The following OPCML variants were observed in gnomAD, a reference collection of about 807,000 sequenced individuals.
OPCML encodes the protein opioid-binding protein/cell adhesion molecule.
Under a neutral mutation model 37.8 loss-of-function variants are expected in OPCML, and 13 were observed. That is an observed-to-expected ratio of 0.34 (90% CI 0.22 to 0.55). OPCML has a LOEUF of 0.55. OPCML is among the 20% of genes least tolerant of loss of function. The pLI is 0.91. For synonymous variants in OPCML, 176 were observed against 168.8 expected (o/e 1.04, Z -0.33); for missense variants, 341 against 435.6 (o/e 0.78, Z 1.93).
At chr11:132,798,044 T>C (rs7936755) in intron 2 of OPCML, among the ~76,000 whole-genome samples, 83,846 of 152,050 alleles carry the variant, frequency 0.55, 23,684 homozygotes, top group African/African-American at 0.65. Flanking sequence ...CAAACCCTGC[T>C]GCTGATTTAT....
chr11:132,710,359 G>A (rs560028189), intron 2 of OPCML, among the ~76,000 whole-genome samples: 2 of 152,126 alleles, frequency 1.3e-5, no homozygotes, highest in Non-Finnish European at 2.9e-5. Flanking sequence ...AAAAGTTGGA[G>A]TCATCCCATC....
At chr11:133,502,267 C>T (rs1447609003) in intron 1 of OPCML, among the ~76,000 whole-genome samples, 1 of 152,204 alleles carries the variant, frequency 6.6e-6, no homozygotes, top group Admixed American at 6.5e-5. Flanking sequence ...TGACGCCATA[C>T]AGCAGCGGCT....
chr11:133,352,459 C>G (rs1398595448), intron 1 of OPCML, among the ~76,000 whole-genome samples: 1 of 152,214 alleles, frequency 6.6e-6, no homozygotes, highest in Non-Finnish European at 1.5e-5. Context: ...TGCTGAAGTA[C>G]CTCAAACGCA....
chr11:133,476,006 G>A (rs1947230127), intron 1 of OPCML, among the ~76,000 whole-genome samples: 1 of 152,152 alleles, frequency 6.6e-6, no homozygotes, highest in Admixed American at 6.5e-5. Context: ...GAGGATGAAG[G>A]ACAAAATGGC....
rs557981520 is a variant in OPCML at position 133,167,379 on chromosome 11, C to T, written c.62-224369G>A. Among the ~76,000 whole-genome samples, 7 of 152,286 alleles carry T rather than the reference C, an allele frequency of 4.6e-5. No homozygotes were observed. In the South Asian group the frequency reaches 1.5e-3, roughly 32 times the overall value. ...CCAAGTTAGATATTATTGGTCAACA[C>T]AATCCTATTTTCTTGCCGAACTCCA... On this transcript the variant is annotated intron_variant, in intron 1 of 7. Coordinates refer to ENST00000524381, the MANE Select transcript of OPCML (RefSeq NM_001012393.5).
intron 2 of OPCML, among the ~76,000 whole-genome samples, chr11:132,794,537 G>A (rs1027194312): frequency 7.2e-5 from 11 of 152,022 alleles, no homozygotes; most frequent in African/African-American, 1.7e-4. Flanking sequence ...GGGACCAGGC[G>A]AGCTTTCCTG....
intron 1 of OPCML, among the ~76,000 whole-genome samples, chr11:133,372,271 CA>C (rs1944692728): frequency 2.6e-5 from 4 of 152,242 alleles, no homozygotes; most frequent in Admixed American, 6.5e-5. Flanking sequence ...ATGCACATAA[CA>C]AAAACTCACA....
At chr11:133,213,497 T>G (rs73027328) in intron 1 of OPCML, among the ~76,000 whole-genome samples, 4,690 of 152,268 alleles carry the variant, frequency 0.031, 155 homozygotes, top group South Asian at 0.11. Flanking sequence ...ACTAATGCTC[T>G]TTAGAAATTA....
intron 1 of OPCML, among the ~76,000 whole-genome samples, chr11:133,097,668 C>A (rs1215209138): frequency 6.6e-6 from 1 of 152,016 alleles, no homozygotes; most frequent in East Asian, 1.9e-4. Context: ...TTACTAGTAT[C>A]AGAAATGAAA....
At chr11:132,758,783 AC>A (rs1946154850) in intron 2 of OPCML, among the ~76,000 whole-genome samples, 1 of 152,080 alleles carries the variant, frequency 6.6e-6, no homozygotes, top group Non-Finnish European at 1.5e-5. Context: ...CTATTTGAAT[AC>A]CCTTTATTTC....
chr11:132,915,326 C>T lies in OPCML; in HGVS notation c.146+27600G>A, dbSNP rs2136558219. On this transcript the variant is annotated intron_variant, in intron 2 of 7. Transcript: ENST00000524381. ...ACCTCCCGGTGAGGCATGCACATTTCTGGCATCCACATGTGCTATGATACC... is the reference window on the plus strand; with the variant it reads ...ACCTCCCGGTGAGGCATGCACATTTTTGGCATCCACATGTGCTATGATACC... Among the ~76,000 whole-genome samples, 2 of 152,334 alleles carry T rather than the reference C, an allele frequency of 1.3e-5. 1 individual carries two copies. Among genetic ancestry groups the T allele is most frequent in the East Asian group, 3.9e-4 (2 of 5,176 alleles).
rs1937631986 is a variant in OPCML, at chr11:133,177,827, A to G, written c.62-234817T>C. Among the ~76,000 whole-genome samples, 2 of 152,206 alleles carry G rather than the reference A, an allele frequency of 1.3e-5. No individual in the cohort carries two copies. The highest frequency in any genetic ancestry group is 1.5e-5 in the Non-Finnish European group (1 of 68,036). ...TATCAAAGCATCAAATTAAACATTC[A>G]AGATCACTTACTGCAGACTTTCATT... On this transcript the variant is annotated intron_variant, in intron 1 of 7. Transcript: ENST00000524381. This position sits in a 1 kb window ranked among gnomAD's most constrained non-coding sequence, Gnocchi z 5.0.
rs183276022 is a variant in OPCML, at chr11:133,278,335, G to A, written c.61+253929C>T. 3.7e-3 allele frequency among the ~76,000 whole-genome samples: 559 copies of A among 152,152 alleles called. 4 individuals carry two copies. The highest frequency in any genetic ancestry group is 0.013 in the African/African-American group (537 of 41,518). On this transcript the variant is annotated intron_variant, in intron 1 of 7. Transcript: ENST00000524381. ...GTTTTCTTTTTCTTTTTTAGGGGGG[G>A]TTATTGTTTGGTTTTGCTTTCCCTC... is the stretch of plus-strand genomic sequence containing the variant.
chr11:133,283,771 T>G (rs1029701515), intron 1 of OPCML, among the ~76,000 whole-genome samples: 1 of 152,180 alleles, frequency 6.6e-6, no homozygotes, highest in Non-Finnish European at 1.5e-5. Context: ...GAGGTTCATT[T>G]TGCTGGAGGT....
intron 2 of OPCML, among the ~76,000 whole-genome samples, chr11:132,718,982 C>T (rs1250374143): frequency 6.6e-6 from 1 of 152,186 alleles, no homozygotes; most frequent in African/African-American, 2.4e-5. Context: ...TACGGTCAAT[C>T]GTGCCCTCCC....
At chr11:132,472,775 A>T (rs934052020) in intron 4 of OPCML, among the ~76,000 whole-genome samples, 5 of 152,226 alleles carry the variant, frequency 3.3e-5, no homozygotes, top group African/African-American at 1.2e-4. Context: ...TGCTCTGTGC[A>T]TCGTCACTGC....
intron 4 of OPCML, among the ~76,000 whole-genome samples, chr11:132,501,560 A>G (rs985837123): frequency 3.3e-5 from 5 of 152,212 alleles, no homozygotes; most frequent in Non-Finnish European, 7.3e-5. Flanking sequence ...GGAGCTGTAC[A>G]CAGACAGATG....
intron 3 of OPCML, among the ~76,000 whole-genome samples, chr11:132,559,703 G>A (rs2096406256): frequency 6.6e-6 from 1 of 152,170 alleles, no homozygotes; most frequent in Admixed American, 6.5e-5. Context: ...CGTAAAGAGA[G>A]AAGAGATTAT....
intron 3 of OPCML, among the ~76,000 whole-genome samples, chr11:132,641,448 G>A (rs781108157): frequency 6.6e-6 from 1 of 152,158 alleles, no homozygotes; most frequent in Non-Finnish European, 1.5e-5. Flanking sequence ...TTCAAAGTGA[G>A]TTTCCTTTGA....
Sources: gnomAD v4.1 joint callset for allele counts (sites outside exome capture counted in the v4.1 genomes callset) on GRCh38, gnomAD v4.1.1 for gene constraint, Gnocchi (gnomAD v3.1) non-coding constraint, MANE v1.5 for transcripts, NCBI Gene and HGNC (gene_info 2026-07-23, HGNC 2026-07-21) for gene names.